Variants in SOCS5 observed in about 807,000 individuals in gnomAD.
The protein encoded by SOCS5 is suppressor of cytokine signaling 5.
Under a neutral mutation model 42.8 loss-of-function variants are expected in SOCS5, and 32 were observed. The observed-to-expected ratio is 0.75, with a 90% CI of 0.56 to 1.01. SOCS5 has a LOEUF of 1.01. SOCS5 is among the 50% of genes least tolerant of loss of function. The probability of loss-of-function intolerance (pLI) is 0.00; values close to 1 mark genes in which losing one functional copy is unlikely to be tolerated. For missense variants in SOCS5, 627 were observed against 653.0 expected, an observed-to-expected ratio of 0.96 and a Z score of 0.43; for synonymous variants, 283 against 229.6, an observed-to-expected ratio of 1.23 and a Z score of -2.10.
chr2:46,708,838 G>T (rs1672551796), intron 1 of SOCS5, among the ~76,000 whole-genome samples: 1 of 149,616 alleles, frequency 6.7e-6, no homozygotes. Flanking sequence ...TGCTTCTTTG[G>T]GCTGGTGAAG....
intron 1 of SOCS5, among the ~76,000 whole-genome samples, chr2:46,711,195 A>G (rs1672613290): frequency 6.6e-6 from 1 of 152,206 alleles, no homozygotes; most frequent in African/African-American, 2.4e-5. Flanking sequence ...GTTTTAAAAT[A>G]GGTCTATGTT....
At chr2:46,742,082 T>C (rs1474473700) in intron 1 of SOCS5, among the ~76,000 whole-genome samples, 1 of 152,192 alleles carries the variant, frequency 6.6e-6, no homozygotes, top group Admixed American at 6.5e-5. Context: ...AAAACAAACT[T>C]TGACAGGTTG....
intron 1 of SOCS5, among the ~76,000 whole-genome samples, chr2:46,753,096 C>A (rs1673660249): frequency 6.6e-6 from 1 of 152,186 alleles, no homozygotes; most frequent in Non-Finnish European, 1.5e-5. Context: ...GACACACTTC[C>A]CTTCACTCAC....
rs1672298488 is a variant in SOCS5 at position 46,699,632 on chromosome 2, C to T, written c.-13+183C>T. On this transcript the variant is annotated intron_variant, in intron 1 of 1. Transcript: ENST00000394861. This position sits in a 1 kb window ranked among gnomAD's most constrained non-coding sequence, Gnocchi z 4.8. ...TGGGATGGGCTGGCCGGGAAAAGGA[C>T]TGCTAGCCCGGGCCGCGAGCCCCGT... Among the ~76,000 whole-genome samples the T allele has an allele frequency of 6.6e-6, 1 of 152,146 alleles. No homozygotes were observed. Among genetic ancestry groups the T allele is most frequent in the Admixed American group, 6.5e-5 (1 of 15,278 alleles).
intron 1 of SOCS5, among the ~76,000 whole-genome samples, chr2:46,716,530 T>A (rs1672748831): frequency 6.6e-6 from 1 of 152,026 alleles, no homozygotes; most frequent in African/African-American, 2.4e-5. Context: ...CCAGCTAGAG[T>A]GCAGTGGTGC....
In SOCS5 at chr2:46,719,870, C is replaced by T. The variant is rs148545315; in HGVS notation, c.-13+20421C>T. Among the ~76,000 whole-genome samples the T allele has an allele frequency of 3.3e-3, 499 of 152,202 alleles. 3 individuals are homozygous for T. The highest frequency in any genetic ancestry group is 0.011 in the African/African-American group (476 of 41,514). The stretch of plus-strand genomic sequence containing the variant: ...GGTCTAGAGGCTATTCCTCGGCAGT[C>T]GCAGATCCAGAAACTCAGTTTGGTC... On this transcript the variant is annotated intron_variant, in intron 1 of 1. Transcript: ENST00000394861.
At chr2:46,744,245 C>T (rs925970732) in intron 1 of SOCS5, among the ~76,000 whole-genome samples, 4 of 152,188 alleles carry the variant, frequency 2.6e-5, no homozygotes, top group Non-Finnish European at 5.9e-5. Flanking sequence ...CTGCCTCGGC[C>T]TCCCAAAGTT....
At chr2:46,704,951 G>A (rs1490591676) in intron 1 of SOCS5, among the ~76,000 whole-genome samples, 1 of 152,102 alleles carries the variant, frequency 6.6e-6, no homozygotes, top group Non-Finnish European at 1.5e-5. Flanking sequence ...GAAGAGAAGG[G>A]CCAGACATTT....
At chr2:46,754,858 T>C (rs1038267000) in intron 1 of SOCS5, among the ~76,000 whole-genome samples, 1 of 152,202 alleles carries the variant, frequency 6.6e-6, no homozygotes, top group Non-Finnish European at 1.5e-5. Context: ...TTTAAGAAGC[T>C]GTAGTTATGA....
chr2:46,749,045 T>A (rs1462107241), intron 1 of SOCS5, among the ~76,000 whole-genome samples: 2 of 152,212 alleles, frequency 1.3e-5, no homozygotes, highest in Non-Finnish European at 2.9e-5. Flanking sequence ...AAGGGAGATT[T>A]GTGGGAAGCA....
chr2:46,720,390 T>C (rs1054505590), intron 1 of SOCS5, among the ~76,000 whole-genome samples: 2 of 152,216 alleles, frequency 1.3e-5, no homozygotes, highest in East Asian at 3.9e-4. Flanking sequence ...ATGGTAAAAC[T>C]TTAATAACAA....
chr2:46,724,714 G>A (rs1672955596), intron 1 of SOCS5, among the ~76,000 whole-genome samples: 1 of 151,716 alleles, frequency 6.6e-6, no homozygotes, highest in South Asian at 2.1e-4. Context: ...GTTCATTATG[G>A]TCAAACAACA....
In SOCS5 at chr2:46,762,042, A is replaced by G. The variant is rs879223186; in HGVS notation, c.*1901A>G. 6.0e-6 allele frequency: 1 copy of G among 167,016 alleles called. No individual in the cohort carries two copies. The highest frequency in any genetic ancestry group is 2.1e-4 in the South Asian group (1 of 4,830). 10.3% of individuals were successfully genotyped at this position (167,016 alleles called of 1,614,324 possible). Reference sequence around the variant, plus strand: ...CATTTATTGGTTTGGGGACCATCTTAATTAAAAATAAATGCCCAAAATGTA... The same window carrying G: ...CATTTATTGGTTTGGGGACCATCTTGATTAAAAATAAATGCCCAAAATGTA... On this transcript the variant is annotated 3_prime_UTR_variant, in exon 2 of 2. Transcript: ENST00000394861.
chr2:46,732,802 T>C (rs1225934798), intron 1 of SOCS5, among the ~76,000 whole-genome samples: 1 of 152,176 alleles, frequency 6.6e-6, no homozygotes, highest in African/African-American at 2.4e-5. Context: ...CTGGCAACTG[T>C]GTCCTTTCTT....
Position 46,758,833 on chromosome 2 carries a change from T to G in SOCS5, c.303T>G (p.Cys101Trp), listed in dbSNP as rs749988044. The G allele has an allele frequency of 6.2e-7, 1 of 1,614,160 alleles. No individual in the cohort carries two copies. Among genetic ancestry groups the G allele is most frequent in the Admixed American group, 1.7e-5 (1 of 60,026 alleles). The change falls in exon 2 of 2, where the codon TGT (cysteine) becomes TGG (tryptophan). Residue 101 changes from cysteine to tryptophan, a missense_variant. Physicochemically the swap from Cys to Trp is radical, Grantham distance 215. Around this residue, in one of 3 missense-constraint regions of SOCS5, gnomAD observed 278 missense variants for 246.3 expected, o/e 1.13. Coordinates refer to ENST00000394861, the MANE Select transcript of SOCS5 (RefSeq NM_144949.3). ...EISIEKDNDS[C>W]VTPGTRLARR... is the part of the protein sequence containing the mutation. ...GCATCGAAAAGGATAATGATTCTTG[T>G]GTTACCCCAGGAACAAGACTTGCAC... is the stretch of plus-strand genomic sequence containing the variant.
intron 1 of SOCS5, among the ~76,000 whole-genome samples, chr2:46,738,488 C>G (rs78645094): frequency 0.061 from 9,308 of 152,204 alleles, 306 homozygotes; most frequent in Middle Eastern, 0.13. Flanking sequence ...ATTTCAAGTA[C>G]AAACCTGGGG....
At chr2:46,707,044 T>C (rs1010605569) in intron 1 of SOCS5, among the ~76,000 whole-genome samples, 2 of 152,178 alleles carry the variant, frequency 1.3e-5, no homozygotes, top group African/African-American at 4.8e-5. Context: ...GATGTTCCTT[T>C]GAAGAGTGGA....
At chr2:46,711,140 A>G (rs1288250318) in intron 1 of SOCS5, among the ~76,000 whole-genome samples, 1 of 152,158 alleles carries the variant, frequency 6.6e-6, no homozygotes, top group Admixed American at 6.5e-5. Flanking sequence ...TTTTTGTGAC[A>G]TGTTTTCTTT....
At chr2:46,743,332 C>A (rs972633310) in intron 1 of SOCS5, among the ~76,000 whole-genome samples, 4 of 152,150 alleles carry the variant, frequency 2.6e-5, no homozygotes, top group African/African-American at 9.7e-5. Flanking sequence ...CCGTGGGCTG[C>A]TGGTTGCCCA....
Sources: gnomAD v4.1 joint callset for allele counts (sites outside exome capture counted in the v4.1 genomes callset) on GRCh38, gnomAD v4.1.1 for gene constraint, gnomAD v4.1.1 regional missense constraint, Gnocchi (gnomAD v3.1) non-coding constraint, MANE v1.5 for transcripts, NCBI Gene and HGNC (gene_info 2026-07-23, HGNC 2026-07-21) for gene names.